Variants in SGCD observed in about 807,000 individuals in gnomAD.
The protein encoded by SGCD is delta-sarcoglycan.
A neutral mutation model predicts 36.6 loss-of-function variants in SGCD; 18 were observed. The observed-to-expected ratio is 0.49, with a 90% CI of 0.34 to 0.73. SGCD has a LOEUF of 0.73. Ranked by LOEUF, SGCD falls within the 30% of genes least tolerant of loss-of-function variation. SGCD has a pLI of 0.01. For missense variants in SGCD, 387 were observed against 346.7 expected, an observed-to-expected ratio of 1.12 and a Z score of -0.92; for synonymous variants, 133 against 130.6, an observed-to-expected ratio of 1.02 and a Z score of -0.12.
intron 7 of SGCD, among the ~76,000 whole-genome samples, chr5:156,683,766 C>T (rs976014498): frequency 6.6e-6 from 1 of 152,202 alleles, no homozygotes; most frequent in African/African-American, 2.4e-5. Context: ...CTCTTGGATG[C>T]TCAGTTGTTC....
At chr5:156,411,218 C>T (rs1392980001) in intron 3 of SGCD, among the ~76,000 whole-genome samples, 1 of 152,144 alleles carries the variant, frequency 6.6e-6, no homozygotes, top group East Asian at 1.9e-4. Context: ...ATCCTTAGGT[C>T]GCACCATTTA....
intron 1 of SGCD, among the ~76,000 whole-genome samples, chr5:156,017,057 A>G (rs572893866): frequency 6.6e-5 from 10 of 152,196 alleles, no homozygotes; most frequent in Non-Finnish European, 1.5e-4. Context: ...AGCCTCACCA[A>G]TAAAGTAAAT....
Position 156,423,159 on chromosome 5 carries a change from A to ATT in SGCD, c.192+78482_192+78483insTT, listed in dbSNP as rs1331313398. ...TAATTAATATTTAATTAATTATTTAAATATTATATTTAATATAATTAATTA... is the reference window on the plus strand; with the variant it reads ...TAATTAATATTTAATTAATTATTTAATTATATTATATTTAATATAATTAATTA... On this transcript the variant is annotated intron_variant, in intron 3 of 8. Coordinates refer to ENST00000337851, the MANE Select transcript of SGCD (RefSeq NM_000337.6). Among the ~76,000 whole-genome samples, 11 of 44,222 alleles carry ATT rather than the reference A, an allele frequency of 2.5e-4. No homozygotes were observed. The South Asian group carries it at 6.3e-3, about 25-fold the overall frequency. The allele number at this position is 44,222 out of a possible 152,430, so 29.0% of individuals were successfully genotyped here.
intron 4 of SGCD, among the ~76,000 whole-genome samples, chr5:156,585,491 G>A (rs777135840): frequency 2.0e-5 from 3 of 152,128 alleles, no homozygotes; most frequent in Non-Finnish European, 4.4e-5. Flanking sequence ...GATATTCAAA[G>A]TTAGTGTTAT....
At chr5:156,536,589 G>GTGTT (rs111527710) in intron 4 of SGCD, among the ~76,000 whole-genome samples, 6,150 of 151,512 alleles carry the variant, frequency 0.041, 410 homozygotes, top group African/African-American at 0.14. Context: ...AAGCTTTGAG[G>GTGTT]TGTTTGTTTG....
At chr5:156,126,238 C>A (rs1259611865) in intron 3 of SGCD, among the ~76,000 whole-genome samples, 1 of 152,078 alleles carries the variant, frequency 6.6e-6, no homozygotes. Flanking sequence ...TGCTTGTCCT[C>A]AAATACGTAG....
chr5:155,869,487 A>C (rs1368326), upstream of SGCD, among the ~76,000 whole-genome samples: 28,883 of 151,968 alleles, frequency 0.19, 3,576 homozygotes, highest in Admixed American at 0.41. Flanking sequence ...GAACATTGTT[A>C]TTATACCCAT....
intron 3 of SGCD, among the ~76,000 whole-genome samples, chr5:156,431,907 G>A (rs1469953969): frequency 6.6e-6 from 1 of 152,038 alleles, no homozygotes; most frequent in Admixed American, 6.6e-5. Flanking sequence ...GTAGAGAAGG[G>A]GTTTCACCAT....
chr5:156,609,955 T>A (rs543939887), intron 6 of SGCD, among the ~76,000 whole-genome samples: 1 of 152,336 alleles, frequency 6.6e-6, no homozygotes, highest in African/African-American at 2.4e-5. Flanking sequence ...TCTAATTTTT[T>A]TTCGAGGTTT....
intron 3 of SGCD, among the ~76,000 whole-genome samples, chr5:156,200,534 T>G (rs935458945): frequency 2.0e-5 from 3 of 152,036 alleles, no homozygotes; most frequent in Admixed American, 1.3e-4. Flanking sequence ...AGACCTACAT[T>G]AAAAATGTAA....
chr5:155,765,529 T>A, the SGCD span, among the ~76,000 whole-genome samples: 2 of 152,016 alleles, frequency 1.3e-5, no homozygotes, highest in African/African-American at 4.8e-5. Context: ...TCTAATATAA[T>A]CTTCTACAGA....
At chr5:155,897,293 G>T (rs1273411379) in intron 1 of SGCD, among the ~76,000 whole-genome samples, 1 of 152,066 alleles carries the variant, frequency 6.6e-6, no homozygotes, top group Admixed American at 6.6e-5. Flanking sequence ...ATAAAAATAT[G>T]ATATAATGGT....
chr5:156,433,301 G>A (rs1753102901), intron 3 of SGCD, among the ~76,000 whole-genome samples: 1 of 152,074 alleles, frequency 6.6e-6, no homozygotes, highest in South Asian at 2.1e-4. Flanking sequence ...AGTAAGTTGG[G>A]GAGTGGGGAT....
At chr5:156,463,548 G>A (rs1754586364) in intron 3 of SGCD, among the ~76,000 whole-genome samples, 1 of 152,208 alleles carries the variant, frequency 6.6e-6, no homozygotes, top group African/African-American at 2.4e-5. Context: ...TGAAATTAGT[G>A]TGGTGTTTTC....
chr5:156,078,870 A>G (rs1308019932), intron 1 of SGCD, among the ~76,000 whole-genome samples: 16 of 151,396 alleles, frequency 1.1e-4, no homozygotes, highest in Non-Finnish European at 2.1e-4. Context: ...GTTAAGTTCT[A>G]TACAATTTTA....
chr5:156,711,446 A>G (rs945037829), intron 7 of SGCD, among the ~76,000 whole-genome samples: 1 of 152,234 alleles, frequency 6.6e-6, no homozygotes, highest in African/African-American at 2.4e-5. Flanking sequence ...GAAGATGGGT[A>G]AAAACTAACT....
At chr5:156,400,327 T>G (rs896776254) in intron 3 of SGCD, among the ~76,000 whole-genome samples, 3 of 152,178 alleles carry the variant, frequency 2.0e-5, no homozygotes, top group African/African-American at 4.8e-5. Context: ...TTCCATCATT[T>G]CCCAAAAGTG....
chr5:156,125,843 TTATTA>T (rs1561530095), intron 3 of SGCD, among the ~76,000 whole-genome samples: 11 of 22,170 alleles, frequency 5.0e-4, no homozygotes, highest in African/African-American at 1.6e-3. Context: ...CATTCTTTTA[TTATTA>T]TTATTATTAT....
intron 6 of SGCD, among the ~76,000 whole-genome samples, chr5:156,596,050 T>G (rs947166083): frequency 6.6e-6 from 1 of 152,156 alleles, no homozygotes; most frequent in Non-Finnish European, 1.5e-5. Flanking sequence ...TGAGCCAGTT[T>G]CCTTTTCTGC....
Sources: allele counts gnomAD v4.1 joint callset (sites outside exome capture counted in the v4.1 genomes callset), GRCh38; gene constraint gnomAD v4.1.1; transcripts MANE v1.5; gene names NCBI Gene and HGNC (gene_info 2026-07-23, HGNC 2026-07-21).